The following RPS6KA6 variants were observed in gnomAD, a reference collection of about 807,000 sequenced individuals.
RPS6KA6 encodes ribosomal protein S6 kinase A6.
RPS6KA6 carries 27 observed loss-of-function variants against 65.4 expected under a neutral mutation model. That is an observed-to-expected ratio of 0.41 (90% CI 0.30 to 0.57). The LOEUF is 0.57. Among genes scored for constraint, RPS6KA6 ranks in the 20% least tolerant of loss-of-function variants. The pLI, the probability that RPS6KA6 is intolerant of heterozygous loss-of-function variation, is 0.24. For missense variants in RPS6KA6, 486 were observed against 555.6 expected (o/e 0.87, Z 1.26); for synonymous variants, 190 against 184.2 (o/e 1.03, Z -0.26).
At chrX:84,113,621 T>C (rs1247129598) in intron 12 of RPS6KA6, among the ~76,000 whole-genome samples, 1 of 111,563 alleles carries the variant, frequency 9.0e-6, no homozygotes, top group African/African-American at 3.3e-5. Context: ...CATCACTTGA[T>C]GATAAAAACC....
intron 8 of RPS6KA6, among the ~76,000 whole-genome samples, chrX:84,125,223 T>G (rs771937247): frequency 2.7e-5 from 3 of 111,819 alleles, no homozygotes; most frequent in Non-Finnish European, 5.6e-5. Flanking sequence ...CAAAACTCAC[T>G]ATAATAGTAA....
At chrX:84,124,558 A>C (rs1190744551) in intron 8 of RPS6KA6, among the ~76,000 whole-genome samples, 1 of 111,058 alleles carries the variant, frequency 9.0e-6, no homozygotes, top group Non-Finnish European at 1.9e-5. Flanking sequence ...AGAACTGATC[A>C]AGGAGTGAAA....
intron 8 of RPS6KA6, among the ~76,000 whole-genome samples, chrX:84,125,847 C>T (rs145299451): frequency 0.011 from 1,178 of 110,034 alleles, 19 homozygotes; most frequent in African/African-American, 0.034. Context: ...GAGCAAGACT[C>T]CATCTCAAAA....
At chrX:84,129,186 A>T (rs1311679531) in intron 8 of RPS6KA6, among the ~76,000 whole-genome samples, 1 of 111,728 alleles carries the variant, frequency 9.0e-6, no homozygotes, top group Non-Finnish European at 1.9e-5. Context: ...TGAGCACAAG[A>T]TCTGAATAAA....
chrX:84,090,632 G>A (rs1051527324), intron 20 of RPS6KA6, among the ~76,000 whole-genome samples: 1 of 111,456 alleles, frequency 9.0e-6, no homozygotes, highest in Non-Finnish European at 1.9e-5. Flanking sequence ...GGACGCGGGG[G>A]AACTACCAAA....
At chrX:84,094,003 C>G (rs1195168457) in intron 20 of RPS6KA6, among the ~76,000 whole-genome samples, 1 of 110,801 alleles carries the variant, frequency 9.0e-6, no homozygotes, top group Non-Finnish European at 1.9e-5. Context: ...GATTTAAGCC[C>G]TTAAACCTAC....
chrX:84,103,046 T>C (rs1454950807), intron 17 of RPS6KA6, among the ~76,000 whole-genome samples: 5 of 111,085 alleles, frequency 4.5e-5, no homozygotes, highest in African/African-American at 1.6e-4. Context: ...CCAAGAAAAT[T>C]ACCCACTTAA....
chrX:84,180,367 T>C (rs2035831969), intron 1 of RPS6KA6, among the ~76,000 whole-genome samples: 1 of 111,987 alleles, frequency 8.9e-6, no homozygotes, highest in South Asian at 3.7e-4. Context: ...TAAAATTTCC[T>C]CAGATTTTAA....
chrX:84,131,831 G>C (rs1304020609), intron 8 of RPS6KA6, among the ~76,000 whole-genome samples: 2 of 111,393 alleles, frequency 1.8e-5, no homozygotes, highest in Non-Finnish European at 3.8e-5. Flanking sequence ...GGTTATTTTG[G>C]GGGGTAGGTT....
intron 12 of RPS6KA6, among the ~76,000 whole-genome samples, chrX:84,111,934 A>C (rs2034477970): frequency 8.9e-6 from 1 of 111,889 alleles, no homozygotes; most frequent in Admixed American, 9.5e-5. Context: ...TGCCAAAAAG[A>C]GACCCACAGA....
chrX:84,070,291 G>A (rs184079840), intron 20 of RPS6KA6, among the ~76,000 whole-genome samples: 3 of 110,999 alleles, frequency 2.7e-5, no homozygotes, highest in East Asian at 5.7e-4. Flanking sequence ...AACTAACGCA[G>A]GAACAGAAAA....
At chrX:84,075,050 T>C (rs893849921) in intron 20 of RPS6KA6, among the ~76,000 whole-genome samples, 2 of 111,056 alleles carry the variant, frequency 1.8e-5, no homozygotes, top group Admixed American at 1.9e-4. Context: ...CTGGCCAACA[T>C]TGTGAAACCC....
intron 20 of RPS6KA6, among the ~76,000 whole-genome samples, chrX:84,075,061 C>T (rs1342196028): frequency 1.8e-5 from 2 of 110,848 alleles, no homozygotes; most frequent in African/African-American, 3.3e-5. Context: ...TGTGAAACCC[C>T]GTCTCTACTA....
intron 2 of RPS6KA6, among the ~76,000 whole-genome samples, chrX:84,160,470 C>T (rs913137596): frequency 1.8e-5 from 2 of 111,616 alleles, no homozygotes; most frequent in Non-Finnish European, 1.9e-5. Context: ...TGATGACAAC[C>T]TAATAGCAAT....
intron 20 of RPS6KA6, among the ~76,000 whole-genome samples, chrX:84,086,778 A>G (rs1041229618): frequency 9.0e-6 from 1 of 111,001 alleles, no homozygotes; most frequent in Non-Finnish European, 1.9e-5. Context: ...GTCGCCCACT[A>G]TTATTGTGTG....
intron 18 of RPS6KA6, among the ~76,000 whole-genome samples, chrX:84,100,806 T>C (rs2034244800): frequency 9.0e-6 from 1 of 111,022 alleles, no homozygotes; most frequent in African/African-American, 3.3e-5. Flanking sequence ...AAATATAGAT[T>C]AAATCACATT....
At chrX:84,153,195 G>A (rs1035224546) in intron 3 of RPS6KA6, among the ~76,000 whole-genome samples, 1 of 111,378 alleles carries the variant, frequency 9.0e-6, no homozygotes, top group Admixed American at 9.6e-5. Flanking sequence ...ACAAGTATTC[G>A]ATATTTTCAA....
intron 14 of RPS6KA6, 49 bp from the exon 15 acceptor site, chrX:84,106,536 C>T (rs1245368517): frequency 4.6e-6 from 4 of 876,624 alleles, no homozygotes; most frequent in South Asian, 4.9e-5. Flanking sequence ...AATATTTTCA[C>T]ATTTTCTGTC....
At chrX:84,117,283 GA>G in intron 10 of RPS6KA6, 100 bp downstream of exon 10, 2 of 649,513 alleles carry the variant, frequency 3.1e-6, no homozygotes, top group Admixed American at 4.1e-5. Flanking sequence ...AAGACAGTGA[GA>G]AAAAGGTACT....
Sources: allele counts gnomAD v4.1 joint callset (sites outside exome capture counted in the v4.1 genomes callset), GRCh38; gene constraint gnomAD v4.1.1; transcripts MANE v1.5; gene names NCBI Gene and HGNC (gene_info 2026-07-23, HGNC 2026-07-21).